Variants in QTGAL observed in about 807,000 individuals in gnomAD.
QTGAL encodes the protein queuosine-tRNA galactosyltransferase.
the QTGAL span, among the ~76,000 whole-genome samples, chr17:82,967,680 C>T: frequency 1.3e-5 from 2 of 152,120 alleles, no homozygotes; most frequent in African/African-American, 4.8e-5. Flanking sequence ...CAGTGACTCA[C>T]ACCTGTAATC....
chr17:83,008,192 G>T, the QTGAL span, among the ~76,000 whole-genome samples: 1 of 152,028 alleles, frequency 6.6e-6, no homozygotes, highest in African/African-American at 2.4e-5. Context: ...GACCCAGTGA[G>T]CAGATGTGAA....
the QTGAL span, among the ~76,000 whole-genome samples, chr17:82,954,837 A>C: frequency 1.3e-5 from 2 of 152,212 alleles, no homozygotes; most frequent in Non-Finnish European, 2.9e-5. Flanking sequence ...ACACATCTAC[A>C]ACCATCTGAT....
At chr17:82,996,766 G>C in the QTGAL span, among the ~76,000 whole-genome samples, 1 of 152,214 alleles carries the variant, frequency 6.6e-6, no homozygotes. Context: ...ACTCATTTTT[G>C]ACAAACATGC....
the QTGAL span, among the ~76,000 whole-genome samples, chr17:83,041,707 G>C: frequency 6.6e-5 from 10 of 152,288 alleles, no homozygotes; most frequent in African/African-American, 1.9e-4. Context: ...GCCACTGCCT[G>C]GTATCCTGAC....
At chr17:82,982,086 C>G in the QTGAL span, among the ~76,000 whole-genome samples, 4 of 146,846 alleles carry the variant, frequency 2.7e-5, no homozygotes. Context: ...CCATCCTTCT[C>G]ACCTCCATGG....
chr17:83,038,212 G>A, the QTGAL span, among the ~76,000 whole-genome samples: 1 of 152,070 alleles, frequency 6.6e-6, no homozygotes, highest in South Asian at 2.1e-4. Context: ...AGGAAAATAC[G>A]TCCCTTTCAG....
At chr17:82,997,417 C>A in the QTGAL span, among the ~76,000 whole-genome samples, 22 of 152,262 alleles carry the variant, frequency 1.4e-4, no homozygotes, top group Non-Finnish European at 2.9e-4. Context: ...GAAAAGGGAA[C>A]CCCTGTACAA....
the QTGAL span, among the ~76,000 whole-genome samples, chr17:82,995,021 TA>T: frequency 6.6e-6 from 1 of 152,094 alleles, no homozygotes; most frequent in South Asian, 2.1e-4. Context: ...AAAAGCAAGG[TA>T]TAGAAGGAAC....
the QTGAL span, among the ~76,000 whole-genome samples, chr17:82,952,232 C>T: frequency 3.5e-3 from 536 of 152,234 alleles, 5 homozygotes; most frequent in African/African-American, 0.012. Context: ...ACGGCTTCTG[C>T]GGGGCAGGAA....
the QTGAL span, among the ~76,000 whole-genome samples, chr17:83,050,018 C>G: frequency 3.3e-5 from 5 of 152,168 alleles, no homozygotes; most frequent in Non-Finnish European, 2.9e-5. Flanking sequence ...ACAATTTAGT[C>G]AAGTTCTTTA....
At chr17:82,973,404 G>A in the QTGAL span, among the ~76,000 whole-genome samples, 12 of 152,178 alleles carry the variant, frequency 7.9e-5, no homozygotes, top group Non-Finnish European at 1.5e-4. Context: ...ACGGAGATAC[G>A]GAACTGATAA....
the QTGAL span, among the ~76,000 whole-genome samples, chr17:82,971,578 C>CCACAGGGGCCAGAAGGACCCGG: frequency 4.8e-5 from 6 of 125,890 alleles, 1 homozygote; most frequent in Non-Finnish European, 3.5e-5. Flanking sequence ...CCACACCACA[C>CCACAGGGGCCAGAAGGACCCGG]TCATAGGGGC....
the QTGAL span, among the ~76,000 whole-genome samples, chr17:83,028,522 CAAAAAAAAAA>C: frequency 1.9e-5 from 1 of 52,280 alleles, no homozygotes; most frequent in East Asian, 5.7e-4. Flanking sequence ...GACTCCATCT[CAAAAAAAAAA>C]AAAAAAGAAA....
the QTGAL span, chr17:82,965,724 G>A: frequency 2.7e-5 from 44 of 1,612,352 alleles, no homozygotes; most frequent in Admixed American, 3.0e-4. Context: ...CATGATCACC[G>A]TGGGGCCATT....
At chr17:82,980,765 G>A in the QTGAL span, among the ~76,000 whole-genome samples, 1,189 of 152,290 alleles carry the variant, frequency 7.8e-3, 15 homozygotes, top group African/African-American at 0.027. Context: ...CCCGAGGCTC[G>A]TCCCTTTGGG....
chr17:82,951,413 A>G, the QTGAL span, among the ~76,000 whole-genome samples: 4 of 152,196 alleles, frequency 2.6e-5, no homozygotes, highest in Non-Finnish European at 5.9e-5. Flanking sequence ...TTCAGCCTTC[A>G]CAGAATTGAA....
At chr17:82,986,308 G>A in the QTGAL span, among the ~76,000 whole-genome samples, 1 of 152,328 alleles carries the variant, frequency 6.6e-6, no homozygotes, top group Non-Finnish European at 1.5e-5. Context: ...CATCTGGCAG[G>A]CACCTCCACG....
chr17:82,959,267 G>A, the QTGAL span, among the ~76,000 whole-genome samples: 1,287 of 152,102 alleles, frequency 8.5e-3, 17 homozygotes, highest in African/African-American at 0.028. Flanking sequence ...CGTGTGTGCA[G>A]TGAGGGCCTG....
chr17:82,991,359 C>T, the QTGAL span, among the ~76,000 whole-genome samples: 4 of 152,312 alleles, frequency 2.6e-5, no homozygotes, highest in South Asian at 8.3e-4. Flanking sequence ...TTCCCCCATA[C>T]TGTTCTCATG....
Sources: allele counts gnomAD v4.1 joint callset (sites outside exome capture counted in the v4.1 genomes callset), GRCh38; gene constraint gnomAD v4.1.1; transcripts MANE v1.5; gene names NCBI Gene and HGNC (gene_info 2026-07-23, HGNC 2026-07-21).